The following NOTCH1 variants were observed in gnomAD, a reference collection of about 807,000 sequenced individuals.
NOTCH1 encodes the protein neurogenic locus notch homolog protein 1.
Under a neutral mutation model 254.8 loss-of-function variants are expected in NOTCH1, and 37 were observed. The ratio of observed to expected loss-of-function variants is 0.15; its 90% CI spans 0.11 to 0.19. The LOEUF (loss-of-function observed/expected upper bound fraction) is 0.19, where lower values mean the gene tolerates loss of function less well. Among genes scored for constraint, NOTCH1 ranks in the 10% least tolerant of loss-of-function variants. NOTCH1 has a pLI of 1.00. For missense variants in NOTCH1, 2,972 were observed against 3,708.6 expected, an observed-to-expected ratio of 0.80 and a Z score of 5.16; for synonymous variants, 1,731 against 1,618.1, an observed-to-expected ratio of 1.07 and a Z score of -1.68.
At chr9:136,516,374 C>T (rs933699432) in intron 9 of NOTCH1, among the ~76,000 whole-genome samples, 31 of 152,256 alleles carry the variant, frequency 2.0e-4, no homozygotes, top group African/African-American at 7.0e-4. Flanking sequence ...AATGGGGCTC[C>T]CCTCGCTCCA....
Position 136,507,398 on chromosome 9 carries a change from TCTC to T in NOTCH1, c.3547_3549del (p.Glu1183del), listed in dbSNP as rs1370411882. On this transcript the variant is annotated inframe_deletion, in exon 22 of 34. Coordinates refer to ENST00000651671, the MANE Select transcript of NOTCH1 (RefSeq NM_017617.5). The stretch of plus-strand genomic sequence containing the variant: ...CAGGGGTGGGAGAGGCACTCGTCGA[TCTC>T]CTCAGAGCAGTTCACCCCGTGGTAG... The T allele has an allele frequency of 4.3e-6, 7 of 1,611,018 alleles. No individual in the cohort carries two copies. Among genetic ancestry groups the T allele is most frequent in the South Asian group, 1.1e-5 (1 of 90,824 alleles).
intron 17 of NOTCH1, 28 bp downstream of exon 17, chr9:136,510,622 TGGA>T: frequency 6.3e-7 from 1 of 1,593,804 alleles, no homozygotes; most frequent in Non-Finnish European, 8.5e-7. Context: ...GAGAGCTTCC[TGGA>T]GGAGGCCAGA....
Position 136,523,074 on chromosome 9 carries a change from G to A in NOTCH1, c.518C>T (p.Pro173Leu). 6.3e-7 allele frequency: 1 copy of A among 1,588,524 alleles called. No individual in the cohort carries two copies. Among genetic ancestry groups the A allele is most frequent in the Non-Finnish European group, 8.6e-7 (1 of 1,168,108 alleles). Residue 173 changes from proline to leucine, a missense_variant, in exon 4 of 34, where the codon CCC becomes CTC. By Grantham distance (98) the Pro-to-Leu change is moderately conservative. Coordinates refer to ENST00000651671, the MANE Select transcript of NOTCH1 (RefSeq NM_017617.5). ...CTCGTTGACATCCTGCCGGCAGGTG[G>A]GGCCATGGAAGCTGGGTGGGCAGTG... The part of the protein sequence containing the change: ...ICHCPPSFHG[P>L]TCRQDVNECG...
intron 2 of NOTCH1, among the ~76,000 whole-genome samples, chr9:136,525,394 G>A (rs1055029531): frequency 8.6e-5 from 13 of 152,040 alleles, no homozygotes; most frequent in African/African-American, 3.1e-4. Flanking sequence ...CTTGCGCTCC[G>A]GGAAAAGGTC....
Position 136,498,988 on chromosome 9 carries a change from C to T in NOTCH1, c.6091G>A (p.Ala2031Thr), listed in dbSNP as rs932710972. 5 of 1,613,246 alleles carry T rather than the reference C, an allele frequency of 3.1e-6. No homozygotes were observed. Among genetic ancestry groups the T allele is most frequent in the African/African-American group, 2.7e-5 (2 of 74,952 alleles). The part of the protein sequence containing the change: ...VNAVDDLGKS[A>T]LHWAAAVNNV... ...TTCACGGCGGCGGCCCAGTGCAGGGCGGACTTGCCTGCGTGAAAGAAGCAG... is the reference window on the plus strand; with the variant it reads ...TTCACGGCGGCGGCCCAGTGCAGGGTGGACTTGCCTGCGTGAAAGAAGCAG... Residue 2031 changes from alanine to threonine, a missense_variant, in exon 33 of 34, where the codon GCC (alanine) becomes ACC (threonine). Physicochemically the swap from Ala to Thr is moderately conservative, Grantham distance 58. Transcript: ENST00000651671.
intron 4 of NOTCH1, among the ~76,000 whole-genome samples, chr9:136,521,441 G>A (rs1415626039): frequency 1.3e-5 from 2 of 152,118 alleles, no homozygotes; most frequent in Admixed American, 6.5e-5. Context: ...CTGCCGCTGG[G>A]CCTCACCAGG....
intron 33 of NOTCH1, 35 bp from the exon 34 acceptor site, chr9:136,497,593 C>T: frequency 6.6e-7 from 1 of 1,524,232 alleles, no homozygotes; most frequent in African/African-American, 1.4e-5. Context: ...TGAGGGGGGC[C>T]AGGCCAGGCG....
In NOTCH1 at chr9:136,522,682, C is replaced by T. The variant is rs1014119001; in HGVS notation, c.742+168G>A. 3.0e-4 allele frequency: 197 copies of T among 658,478 alleles called. 1 individual carries two copies. The highest frequency in any genetic ancestry group is 1.3e-3 in the Middle Eastern group (3 of 2,366). The allele number at this position is 658,478 out of a possible 1,614,324, so 40.8% of individuals were successfully genotyped here. Reference sequence around the variant, plus strand: ...CTCCCAGCGCACACCCCGCTCCAGACGCGTCCCCCCGACACCACACGCAGT... The same window carrying T: ...CTCCCAGCGCACACCCCGCTCCAGATGCGTCCCCCCGACACCACACGCAGT... On this transcript the variant is annotated intron_variant, in intron 4 of 33. Transcript: ENST00000651671.
rs1001139354 is a variant in NOTCH1, at chr9:136,540,937, G to C, written c.140+3087C>G. On this transcript the variant is annotated intron_variant, in intron 2 of 33. Coordinates refer to ENST00000651671, the MANE Select transcript of NOTCH1 (RefSeq NM_017617.5). The surrounding 1 kb of genome is among the most constrained non-coding windows in gnomAD (Gnocchi z 4.4). ...CAGACCAAGGACGTAGTCTCACCCA[G>C]ACAGATAGGGTCCCTGCAGCTCTTC... is the stretch of plus-strand genomic sequence containing the variant. 2.0e-5 allele frequency among the ~76,000 whole-genome samples: 3 copies of C among 152,138 alleles called. No homozygotes were observed. The highest frequency in any genetic ancestry group is 7.2e-5 in the African/African-American group (3 of 41,420).
rs1843121423 is a variant in NOTCH1 at position 136,508,262 on chromosome 9, C to T, written c.3295G>A (p.Val1099Met). 2.5e-6 allele frequency: 4 copies of T among 1,612,588 alleles called. No individual in the cohort carries two copies. Among genetic ancestry groups the T allele is most frequent in the East Asian group, 2.2e-5 (1 of 44,880 alleles). Residue 1099 changes from valine to methionine, a missense_variant, in exon 20 of 34, where the codon GTG becomes ATG. Around this residue, in one of 8 missense-constraint regions of NOTCH1, gnomAD observed 1,343 missense variants for 1,557.0 expected, o/e 0.86. Coordinates refer to ENST00000651671, the MANE Select transcript of NOTCH1 (RefSeq NM_017617.5). Reference sequence around the variant, plus strand: ...CGCTGCGCAGCCACCTCACAGGACACGCTGGGCACGTCGCAGTAAAGGCCG... The same window carrying T: ...CGCTGCGCAGCCACCTCACAGGACATGCTGGGCACGTCGCAGTAAAGGCCG... ...WTGLYCDVPS[V>M]SCEVAAQRQG...
chr9:136,511,076 T>C, intron 16 of NOTCH1, 76 bp downstream of exon 16: 1 of 1,606,772 alleles, frequency 6.2e-7, no homozygotes, highest in Non-Finnish European at 8.5e-7. Context: ...TCATCTAGCC[T>C]GCCTGGGAGC....
chr9:136,507,413 T>C lies in NOTCH1; in HGVS notation c.3535A>G (p.Asn1179Asp). Residue 1179 changes from asparagine (N) to aspartate (D), a missense_variant, in exon 22 of 34, where the codon AAC (asparagine) becomes GAC (aspartate). Asn to Asp is a conservative substitution (Grantham distance 23). Around this residue, in one of 8 missense-constraint regions of NOTCH1, gnomAD observed 1,343 missense variants for 1,557.0 expected, o/e 0.86. Coordinates refer to ENST00000651671, the MANE Select transcript of NOTCH1 (RefSeq NM_017617.5). ...CACTCGTCGATCTCCTCAGAGCAGTTCACCCCGTGGTAGCCGGCCACGCAC... is the reference window on the plus strand; with the variant it reads ...CACTCGTCGATCTCCTCAGAGCAGTCCACCCCGTGGTAGCCGGCCACGCAC... ...CKCVAGYHGV[N>D]CSEEIDECLS... 6.2e-7 allele frequency: 1 copy of C among 1,610,202 alleles called. No individual in the cohort carries two copies. Among genetic ancestry groups the C allele is most frequent in the South Asian group, 1.1e-5 (1 of 90,652 alleles).
intron 27 of NOTCH1, 31 bp from the exon 28 acceptor site, chr9:136,502,519 C>G (rs374937918): frequency 5.6e-6 from 8 of 1,437,702 alleles, no homozygotes; most frequent in Non-Finnish European, 6.4e-6. Context: ...GGCAGGTGCC[C>G]GGACATCAGG....
At chr9:136,499,051 C>A (rs2133322215) in intron 32 of NOTCH1, 55 bp from the exon 33 acceptor site, 2 of 1,612,626 alleles carry the variant, frequency 1.2e-6, no homozygotes, top group Non-Finnish European at 1.7e-6. Context: ...GCAACCCAGT[C>A]CCACCCGTCC....
At chr9:136,526,387 A>G (rs574060829) in intron 2 of NOTCH1, among the ~76,000 whole-genome samples, 61 of 152,306 alleles carry the variant, frequency 4.0e-4, no homozygotes, top group African/African-American at 1.4e-3. Flanking sequence ...TGGGTACAGG[A>G]CAGAGGGCGC....
chr9:136,505,006 G>A lies in NOTCH1; in HGVS notation c.4685C>T (p.Ala1562Val), dbSNP rs752839680. The A allele has an allele frequency of 1.3e-5, 21 of 1,601,168 alleles. No homozygotes were observed. The East Asian group carries it at 1.4e-4, about 10-fold the overall frequency. Residue 1562 changes from alanine (A) to valine (V), a missense_variant, in exon 26 of 34, where the codon GCG (alanine) becomes GTG (valine). Ala to Val is a moderately conservative substitution (Grantham distance 64). Around this residue, in one of 8 missense-constraint regions of NOTCH1, gnomAD observed 1,343 missense variants for 1,557.0 expected, o/e 0.86. Transcript: ENST00000651671. ...AECEWDGLDCAEHVPERLAAG... is the reference protein window; with the variant it reads ...AECEWDGLDCVEHVPERLAAG... ...CGCCAGCCTCTCGGGTACATGCTCC[G>A]CACAGTCCAGCCCGTCCCACTCGCA... is the stretch of plus-strand genomic sequence containing the variant.
In NOTCH1 at chr9:136,519,485, C is replaced by T. The variant is rs371333249; in HGVS notation, c.823G>A (p.Gly275Ser). 5.0e-5 allele frequency: 81 copies of T among 1,612,880 alleles called. No homozygotes were observed. Among genetic ancestry groups the T allele is most frequent in the Middle Eastern group, 1.6e-4 (1 of 6,084 alleles). The change falls in exon 5 of 34, where the codon GGC becomes AGC. Residue 275 changes from glycine (G) to serine (S), a missense_variant. Gly to Ser is a moderately conservative substitution (Grantham distance 56). Around this residue, in one of 8 missense-constraint regions of NOTCH1, gnomAD observed 374 missense variants for 496.3 expected, o/e 0.75. Transcript: ENST00000651671. ...NCKNGGACVD[G>S]VNTYNCRCPP... ...CAGCGGCAGTTGTAGGTGTTCACGCCGTCCACACAGGCACCCCCGTTCTTG... is the reference window on the plus strand; with the variant it reads ...CAGCGGCAGTTGTAGGTGTTCACGCTGTCCACACAGGCACCCCCGTTCTTG...
chr9:136,535,014 C>T (rs1843623563), intron 2 of NOTCH1, among the ~76,000 whole-genome samples: 1 of 144,968 alleles, frequency 6.9e-6, no homozygotes, highest in Non-Finnish European at 1.5e-5. Context: ...AGTCCCTCCC[C>T]ACAGAGCCCC....
At chr9:136,531,926 C>T (rs756673674) in intron 2 of NOTCH1, among the ~76,000 whole-genome samples, 9 of 152,242 alleles carry the variant, frequency 5.9e-5, no homozygotes, top group Middle Eastern at 3.2e-3. Flanking sequence ...GAGGGGCCTC[C>T]GAGCCCAGGA....
Sources: allele counts gnomAD v4.1 joint callset (sites outside exome capture counted in the v4.1 genomes callset), GRCh38; gene constraint gnomAD v4.1.1; regional missense constraint gnomAD v4.1.1; non-coding constraint Gnocchi (gnomAD v3.1); transcripts MANE v1.5; gene names NCBI Gene and HGNC (gene_info 2026-07-23, HGNC 2026-07-21).